The following SIK3 variants were observed in gnomAD, a reference collection of about 807,000 sequenced individuals.
SIK3 encodes the protein serine/threonine-protein kinase SIK3.
In SIK3, 28 loss-of-function variants were observed where a neutral mutation model predicts 144.2. That is an observed-to-expected ratio of 0.19 (90% CI 0.14 to 0.27). The LOEUF (loss-of-function observed/expected upper bound fraction) is 0.27. Among genes scored for constraint, SIK3 ranks in the 10% least tolerant of loss-of-function variants. SIK3 has a pLI of 1.00. For synonymous variants in SIK3, 686 were observed against 676.3 expected, an observed-to-expected ratio of 1.01 and a Z score of -0.22; for missense variants, 1,319 against 1,776.0, an observed-to-expected ratio of 0.74 and a Z score of 4.62.
At chr11:116,885,846 T>C (rs1176388966) in intron 6 of SIK3, among the ~76,000 whole-genome samples, 4 of 152,238 alleles carry the variant, frequency 2.6e-5, no homozygotes, top group South Asian at 2.1e-4. Context: ...AACCTTATCA[T>C]GCCTCAGTTT....
At chr11:117,038,713 C>A (rs61905713) in intron 1 of SIK3, among the ~76,000 whole-genome samples, 1 of 151,910 alleles carries the variant, frequency 6.6e-6, no homozygotes, top group Non-Finnish European at 1.5e-5. Flanking sequence ...AATAATCACT[C>A]ATTTCTTCCC....
At chr11:116,929,728 C>T (rs1354133882) in intron 3 of SIK3, among the ~76,000 whole-genome samples, 1 of 152,186 alleles carries the variant, frequency 6.6e-6, no homozygotes, top group Non-Finnish European at 1.5e-5. Context: ...TGGGAATAAA[C>T]GTGTACTCTG....
Position 116,875,913 on chromosome 11 carries a change from G to C in SIK3, c.1192C>G (p.Pro398Ala). ...AAGGCCAGGGCTCGGGGCATGCTAGGAAGTGCTCCGAGACGCAGGGTTTTA... is the reference window on the plus strand; with the variant it reads ...AAGGCCAGGGCTCGGGGCATGCTAGCAAGTGCTCCGAGACGCAGGGTTTTA... ...RHKTLRLGAL[P>A]SMPRALAFQA... is the part of the protein sequence containing the mutation. The change falls in exon 9 of 25, where the codon CCT becomes GCT. Residue 398 changes from proline (P) to alanine (A), a missense_variant. Around this residue, in one of 8 missense-constraint regions of SIK3, gnomAD observed 109 missense variants for 109.3 expected, o/e 1.00. Transcript: ENST00000445177. 6.2e-7 allele frequency: 1 copy of C among 1,612,708 alleles called. No individual in the cohort carries two copies.
chr11:116,999,763 C>A (rs1259030102), intron 1 of SIK3, among the ~76,000 whole-genome samples: 3 of 152,126 alleles, frequency 2.0e-5, no homozygotes, highest in African/African-American at 7.2e-5. Context: ...AACAACATTG[C>A]AGTAAATACT....
intron 6 of SIK3, among the ~76,000 whole-genome samples, chr11:116,881,105 C>T (rs530392180): frequency 6.6e-6 from 1 of 151,972 alleles, no homozygotes; most frequent in South Asian, 2.1e-4. Context: ...GCCTGGGCGA[C>T]AGAGCGAGAC....
intron 6 of SIK3, among the ~76,000 whole-genome samples, chr11:116,877,711 G>A (rs899881998): frequency 1.3e-5 from 2 of 152,108 alleles, no homozygotes; most frequent in African/African-American, 4.8e-5. Context: ...AGATTACATT[G>A]CAGAAAGAAC....
chr11:116,941,586 T>C (rs1380770134), intron 3 of SIK3, among the ~76,000 whole-genome samples: 1 of 152,186 alleles, frequency 6.6e-6, no homozygotes, highest in African/African-American at 2.4e-5. Context: ...CTAATAGTTT[T>C]TGAGTGACCT....
chr11:116,888,627 G>C (rs747733943), intron 6 of SIK3, among the ~76,000 whole-genome samples: 4 of 152,182 alleles, frequency 2.6e-5, no homozygotes, highest in Non-Finnish European at 4.4e-5. Context: ...ATATTACCAA[G>C]GGCCAGAGAG....
In SIK3 at chr11:116,849,158, G is replaced by T; in HGVS notation, c.3781C>A (p.Gln1261Lys). The change falls in exon 22 of 25, where the codon CAG becomes AAG. Residue 1261 changes from glutamine to lysine, a missense_variant. Around this residue, in one of 8 missense-constraint regions of SIK3, gnomAD observed 646 missense variants for 763.7 expected, o/e 0.85. Transcript: ENST00000445177. This position sits in a 1 kb window ranked among gnomAD's most constrained non-coding sequence, Gnocchi z 4.2. ...VHEHHRPRALQRHHTIQNSDD... is the reference protein window; with the variant it reads ...VHEHHRPRALKRHHTIQNSDD... ...CTGTTCTGGATCGTGTGGTGTCTCT[G>T]GAGGGCCCGGGGCCTGTGGTGCTCA... The T allele has an allele frequency of 1.2e-6, 2 of 1,611,904 alleles. No homozygotes were observed. Among genetic ancestry groups the T allele is most frequent in the Non-Finnish European group, 1.7e-6 (2 of 1,178,378 alleles).
At chr11:116,890,851 T>A (rs369780550) in intron 6 of SIK3, among the ~76,000 whole-genome samples, 1 of 151,602 alleles carries the variant, frequency 6.6e-6, no homozygotes, top group East Asian at 1.9e-4. Context: ...GGTGGGAGAG[T>A]GGGAGCTGGG....
chr11:116,878,386 TTTTTTTTTTTTACATAGAG>T (rs1565400202), intron 6 of SIK3, among the ~76,000 whole-genome samples: 1 of 151,640 alleles, frequency 6.6e-6, no homozygotes, highest in African/African-American at 2.4e-5. Context: ...TCTCCCTTTT[TTTTTTTTTTTTACATAGAG>T]TCTCGCTCTG....
chr11:117,046,854 T>C (rs1040889588), intron 1 of SIK3, among the ~76,000 whole-genome samples: 1 of 152,210 alleles, frequency 6.6e-6, no homozygotes, highest in African/African-American at 2.4e-5. Context: ...CACTCCAGCC[T>C]GGGCAACAGA....
rs926611230 is a variant in SIK3, at chr11:116,903,430, A to T, written c.617-6113T>A. Reference sequence around the variant, plus strand: ...AATCACTAAGAGCTTTGCTGTTTTCAGTTATCTACATGTATAGACAACTGG... The same window carrying T: ...AATCACTAAGAGCTTTGCTGTTTTCTGTTATCTACATGTATAGACAACTGG... On this transcript the variant is annotated intron_variant, in intron 4 of 24. Transcript: ENST00000445177. Among the ~76,000 whole-genome samples the T allele has an allele frequency of 3.3e-5, 5 of 152,224 alleles. No individual in the cohort carries two copies. In the East Asian group the frequency reaches 9.6e-4, roughly 29 times the overall value.
intron 1 of SIK3, among the ~76,000 whole-genome samples, chr11:117,048,610 C>T (rs889466484): frequency 6.6e-6 from 1 of 152,026 alleles, no homozygotes; most frequent in African/African-American, 2.4e-5. Context: ...AAGCAGAGAT[C>T]GGGCCATTGC....
chr11:116,901,769 T>C (rs996095564), intron 4 of SIK3, among the ~76,000 whole-genome samples: 5 of 152,204 alleles, frequency 3.3e-5, no homozygotes, highest in African/African-American at 4.8e-5. Context: ...GCACTTAATG[T>C]TGACTATGAA....
At chr11:116,916,568 TG>T (rs978304903) in intron 4 of SIK3, among the ~76,000 whole-genome samples, 3 of 151,216 alleles carry the variant, frequency 2.0e-5, no homozygotes, top group African/African-American at 7.3e-5. Flanking sequence ...TGGAGTGCAG[TG>T]GCGCAATCTC....
At chr11:116,864,212 T>G in intron 15 of SIK3, 1 of 156,210 alleles carries the variant, frequency 6.4e-6, no homozygotes, top group Non-Finnish European at 1.4e-5. Context: ...AATTCACCAT[T>G]TGAGCCAAAG....
chr11:116,848,228 T>C (rs2134283119), intron 22 of SIK3, among the ~76,000 whole-genome samples: 1 of 152,170 alleles, frequency 6.6e-6, no homozygotes, highest in South Asian at 2.1e-4. Flanking sequence ...GCGCCTGTAG[T>C]CCCAGCTACT....
At chr11:116,975,213 T>G (rs146189749) in intron 1 of SIK3, among the ~76,000 whole-genome samples, 2 of 141,678 alleles carry the variant, frequency 1.4e-5, no homozygotes, top group African/African-American at 5.8e-5. Context: ...TATTGAGATA[T>G]TCACATACCA....
Sources: allele counts gnomAD v4.1 joint callset (sites outside exome capture counted in the v4.1 genomes callset), GRCh38; gene constraint gnomAD v4.1.1; regional missense constraint gnomAD v4.1.1; non-coding constraint Gnocchi (gnomAD v3.1); transcripts MANE v1.5; gene names NCBI Gene and HGNC (gene_info 2026-07-23, HGNC 2026-07-21).